ACP6: variants seen among roughly 807,000 people sequenced by gnomAD.
The protein encoded by ACP6 is lysophosphatidic acid phosphatase type 6.
In ACP6, 48 loss-of-function variants were observed where a neutral mutation model predicts 48.1. The ratio of observed to expected loss-of-function variants is 1.00; its 90% CI spans 0.79 to 1.27. The LOEUF is 1.27. Ranked by LOEUF, ACP6 falls within the 50% of genes most tolerant of loss-of-function variation. The pLI is 0.00. For synonymous variants in ACP6, 172 were observed against 204.2 expected (o/e 0.84, Z 1.34); for missense variants, 485 against 529.1 (o/e 0.92, Z 0.82).
At chr1:147,638,635 T>C (rs587625098), downstream of ACP6, among the ~76,000 whole-genome samples, 27 of 152,320 alleles carry the variant, frequency 1.8e-4, no homozygotes, top group Non-Finnish European at 3.4e-4. Context: ...CCATGAGGCC[T>C]TGTATACCAG....
At chr1:147,655,424 G>A (rs1263563374) in intron 4 of ACP6, among the ~76,000 whole-genome samples, 176 bp from the exon 5 acceptor site, 1 of 152,188 alleles carries the variant, frequency 6.6e-6, no homozygotes, top group Non-Finnish European at 1.5e-5. Flanking sequence ...CCCTGCCAAA[G>A]GAGGCTCTCC....
chr1:147,670,009 C>T lies in ACP6; in HGVS notation c.40G>A (p.Val14Met). ...TACGCCAGCGAGGTCAGGACGCCCA[C>T]TGGGGTCCACAAGCGCATGCTGAAC... ...GVFSMRLWTP[V>M]GVLTSLAYCL... The change falls in exon 1 of 10, where the codon GTG becomes ATG. Residue 14 changes from valine to methionine, a missense_variant. Coordinates refer to ENST00000583509, the MANE Select transcript of ACP6 (RefSeq NM_016361.5). The T allele has an allele frequency of 6.5e-7, 1 of 1,545,946 alleles. No individual in the cohort carries two copies. The highest frequency in any genetic ancestry group is 1.2e-5 in the South Asian group (1 of 83,932).
Position 147,650,454 on chromosome 1 carries a change from C to T in ACP6, c.882-216G>A, listed in dbSNP as rs1659860949. On this transcript the variant is annotated intron_variant, in intron 7 of 9. Transcript: ENST00000583509. ...AGACTCCCAACAACACAGGCACCAG[C>T]ACACAGACCTGTTGTGAACACAACT... The T allele has an allele frequency of 1.4e-5, 7 of 488,914 alleles. No homozygotes were observed. In the South Asian group the frequency reaches 2.2e-4, roughly 15 times the overall value. 30.3% of individuals were successfully genotyped at this position (488,914 alleles called of 1,614,324 possible).
At chr1:147,664,110 A>T (rs1442547328) in intron 1 of ACP6, among the ~76,000 whole-genome samples, 1 of 152,088 alleles carries the variant, frequency 6.6e-6, no homozygotes. Context: ...TGTCAGTCCC[A>T]CTGGCACCTG....
intron 1 of ACP6, 148 bp downstream of exon 1, chr1:147,669,682 C>T: frequency 1.3e-6 from 1 of 787,118 alleles, no homozygotes; most frequent in Non-Finnish European, 2.0e-6. Flanking sequence ...CCTGGGGAGT[C>T]ACTGGCTACT....
chr1:147,629,920 G>A (rs910215188), exon 6 of ACP6: 1 of 152,164 alleles, frequency 6.6e-6, no homozygotes, highest in Non-Finnish European at 1.5e-5. Context: ...GTGCTTAATT[G>A]TGCTTGGTAA....
Position 147,647,189 on chromosome 1 carries a change from G to A in ACP6, c.*234C>T, listed in dbSNP as rs1183349890. 34 of 485,752 alleles carry A rather than the reference G, an allele frequency of 7.0e-5. No individual in the cohort carries two copies. The East Asian group carries it at 1.2e-3, about 17-fold the overall frequency. 30.1% of individuals were successfully genotyped at this position (485,752 alleles called of 1,614,324 possible). A position where few individuals can be genotyped will look rare whatever the true frequency, so the allele number is the denominator to read the frequency against. On this transcript the variant is annotated 3_prime_UTR_variant, in exon 10 of 10. Coordinates refer to ENST00000583509, the MANE Select transcript of ACP6 (RefSeq NM_016361.5). ...TCCCCAGCCCGTGTCACACAAAGAT[G>A]CTTCTAACCTTAGAAACCAACTCAC...
chr1:147,651,674 G>T (rs1327451197), intron 7 of ACP6: 1 of 152,130 alleles, frequency 6.6e-6, no homozygotes, highest in Non-Finnish European at 1.5e-5. Flanking sequence ...CACTGACCCT[G>T]AGTGGAAGGA....
At chr1:147,631,912 A>C (rs1659174906) in intron 5 of ACP6, among the ~76,000 whole-genome samples, 1 of 152,178 alleles carries the variant, frequency 6.6e-6, no homozygotes, top group Non-Finnish European at 1.5e-5. Context: ...TATGAAACCC[A>C]AGATTTTTGG....
chr1:147,636,946 G>A (rs1659318066), intron 5 of ACP6, among the ~76,000 whole-genome samples: 1 of 152,216 alleles, frequency 6.6e-6, no homozygotes, highest in Non-Finnish European at 1.5e-5. Context: ...GAAATTCCAT[G>A]ATGGGATGGT....
Position 147,652,533 on chromosome 1 carries a change from C to T in ACP6, c.797G>A (p.Ser266Asn). 1 of 1,614,064 alleles carries T rather than the reference C, an allele frequency of 6.2e-7. No individual in the cohort carries two copies. Among genetic ancestry groups the T allele is most frequent in the East Asian group, 2.2e-5 (1 of 44,860 alleles). The change falls in exon 7 of 10, where the codon AGC becomes AAC. Residue 266 changes from serine (S) to asparagine (N), a missense_variant. Ser to Asn is a conservative substitution (Grantham distance 46). Coordinates refer to ENST00000583509, the MANE Select transcript of ACP6 (RefSeq NM_016361.5). ...TGCAAATCTCTTCAGCATGGGGCAGCTTGGGAGGTTGTGTGCCTGAAAGGG... is the reference window on the plus strand; with the variant it reads ...TGCAAATCTCTTCAGCATGGGGCAGTTTGGGAGGTTGTGTGCCTGAAAGGG... ...VAAEQAHNLP[S>N]CPMLKRFARM...
chr1:147,648,581 G>A (rs1553209988), intron 8 of ACP6, among the ~76,000 whole-genome samples, 170 bp from the exon 9 acceptor site: 1 of 152,116 alleles, frequency 6.6e-6, no homozygotes, highest in Admixed American at 6.6e-5. Flanking sequence ...AAGAACCCTT[G>A]TTCCCACTCC....
chr1:147,633,067 C>T (rs1468290544), intron 5 of ACP6, among the ~76,000 whole-genome samples: 2 of 152,198 alleles, frequency 1.3e-5, no homozygotes, highest in Admixed American at 1.3e-4. Flanking sequence ...AGCACCTCCA[C>T]TTGAGCCGTC....
At position 147,648,361 on chromosome 1, in the gene ACP6, A is replaced by T. The variant is rs782049544; in HGVS notation, c.1028T>A (p.Met343Lys). The T allele has an allele frequency of 6.2e-7, 1 of 1,614,204 alleles. No individual in the cohort carries two copies. The highest frequency in any genetic ancestry group is 8.5e-7 in the Non-Finnish European group (1 of 1,180,022). ...AHDVTFIPLLMTLGIFDHKWP... is the reference protein window; with the variant it reads ...AHDVTFIPLLKTLGIFDHKWP... ...TTTGTGGTCAAAAATCCCCAGGGTC[A>T]TTAAGAGCGGTATGAAGGTCACATC... Residue 343 changes from methionine to lysine, a missense_variant, in exon 9 of 10, where the codon ATG becomes AAG. Coordinates refer to ENST00000583509, the MANE Select transcript of ACP6 (RefSeq NM_016361.5).
rs587624546 is a variant in ACP6 at position 147,659,039 on chromosome 1, A to G, written c.480T>C (p.Phe160=). The change falls in exon 4 of 10, where the codon TTT becomes TTC. Residue 160 remains phenylalanine (F), a splice_region_variant and synonymous_variant. Coordinates refer to ENST00000583509, the MANE Select transcript of ACP6 (RefSeq NM_016361.5). ...LSPTFNPQEV[F]IRSTNIFRNL... is the part of the protein sequence containing the mutation. ...TCCGAAAAATGTTAGTGGAACGAAT[A>G]CTGAAAAAAATGAGAAAATAGTGAC... The G allele has an allele frequency of 3.7e-6, 6 of 1,608,254 alleles. No individual in the cohort carries two copies. The East Asian group carries it at 1.1e-4, about 30-fold the overall frequency.
intron 4 of ACP6, 30 bp from the exon 5 acceptor site, chr1:147,655,278 C>T (rs1347162999): frequency 1.3e-6 from 2 of 1,516,066 alleles, no homozygotes; most frequent in Admixed American, 1.8e-5. Context: ...CACAGGCAGG[C>T]AGAGGCTTCA....
At chr1:147,632,523 T>C (rs1441732889) in intron 5 of ACP6, among the ~76,000 whole-genome samples, 2 of 151,314 alleles carry the variant, frequency 1.3e-5, no homozygotes, top group African/African-American at 4.9e-5. Context: ...AATGAGGAAA[T>C]GGCAGTGGGA....
chr1:147,664,969 A>T (rs1007170068), intron 1 of ACP6, among the ~76,000 whole-genome samples: 2 of 152,250 alleles, frequency 1.3e-5, no homozygotes, highest in Admixed American at 6.5e-5. Context: ...TTCCAAAAAT[A>T]ACTAGAAAGC....
downstream of ACP6, among the ~76,000 whole-genome samples, chr1:147,640,100 T>C (rs1659409377): frequency 6.6e-6 from 1 of 152,040 alleles, no homozygotes; most frequent in Admixed American, 6.5e-5. Flanking sequence ...TCTGAGGAGG[T>C]AGCACCTTCC....
Sources: gnomAD v4.1 joint callset for allele counts (sites outside exome capture counted in the v4.1 genomes callset) on GRCh38, gnomAD v4.1.1 for gene constraint, MANE v1.5 for transcripts, NCBI Gene and HGNC (gene_info 2026-07-23, HGNC 2026-07-21) for gene names.